Variants in CNTNAP2 observed in about 807,000 individuals in gnomAD.
CNTNAP2 encodes the protein contactin-associated protein-like 2.
CNTNAP2 carries 98 observed loss-of-function variants against 155.2 expected under a neutral mutation model. That is an observed-to-expected ratio of 0.63 (90% CI 0.54 to 0.75). CNTNAP2 has a LOEUF of 0.75. Among genes scored for constraint, CNTNAP2 ranks in the 30% least tolerant of loss-of-function variants. The probability of loss-of-function intolerance (pLI) is 0.00; values close to 1 mark genes in which losing one functional copy is unlikely to be tolerated. For synonymous variants in CNTNAP2, 651 were observed against 631.2 expected (o/e 1.03, Z -0.47); for missense variants, 1,727 against 1,688.1 (o/e 1.02, Z -0.40).
intron 1 of CNTNAP2, among the ~76,000 whole-genome samples, chr7:146,521,242 C>T (rs893286298): frequency 6.6e-6 from 1 of 151,866 alleles, no homozygotes; most frequent in African/African-American, 2.4e-5. Context: ...GCTAATGTAT[C>T]ATAAGAGCAG....
chr7:147,577,286 A>T (rs982441520), intron 12 of CNTNAP2, among the ~76,000 whole-genome samples: 2 of 152,024 alleles, frequency 1.3e-5, no homozygotes, highest in Admixed American at 6.6e-5. Context: ...TGCTTTGCTC[A>T]TTGCTTCTTT....
intron 13 of CNTNAP2, among the ~76,000 whole-genome samples, chr7:147,822,958 C>CTTATTTGT (rs1182039484): frequency 6.6e-6 from 1 of 152,176 alleles, no homozygotes; most frequent in African/African-American, 2.4e-5. Context: ...ATCATTTTAT[C>CTTATTTGT]AGAAGGAAAC....
At chr7:146,783,690 T>C (rs1351998387) in intron 2 of CNTNAP2, among the ~76,000 whole-genome samples, 1 of 152,238 alleles carries the variant, frequency 6.6e-6, no homozygotes, top group African/African-American at 2.4e-5. Context: ...CATAGAAATC[T>C]GTGCTAGGTT....
At chr7:146,889,208 G>A (rs1351685192) in intron 3 of CNTNAP2, among the ~76,000 whole-genome samples, 1 of 151,906 alleles carries the variant, frequency 6.6e-6, no homozygotes, top group African/African-American at 2.4e-5. Context: ...TTAATTAGTT[G>A]CTTTTTCTGT....
At position 146,635,792 on chromosome 7, in the gene CNTNAP2, C is replaced by G. The variant is rs926361230; in HGVS notation, c.98-138479C>G. ...TTCTGCCTTTGTTCTCATCCAGGTG[C>G]CAGGACTCATCTCTAAAAAAAAAAA... On this transcript the variant is annotated intron_variant, in intron 1 of 23. Transcript: ENST00000361727. Among the ~76,000 whole-genome samples the G allele has an allele frequency of 2.1e-5, 3 of 143,212 alleles. No homozygotes were observed. The East Asian group carries it at 5.9e-4, about 28-fold the overall frequency. The allele number at this position is 143,212 out of a possible 152,430, so 94.0% of individuals were successfully genotyped here. A position where few individuals can be genotyped will look rare whatever the true frequency, so the allele number is the denominator to read the frequency against.
chr7:146,682,556 A>G (rs1386312123), intron 1 of CNTNAP2, among the ~76,000 whole-genome samples: 1 of 152,188 alleles, frequency 6.6e-6, no homozygotes, highest in African/African-American at 2.4e-5. Flanking sequence ...CACACGTATC[A>G]CTGGGAGAAA....
intron 9 of CNTNAP2, among the ~76,000 whole-genome samples, chr7:147,382,962 A>G (rs1796561423): frequency 1.3e-5 from 2 of 152,198 alleles, no homozygotes; most frequent in African/African-American, 4.8e-5. Context: ...TTTTAATCCT[A>G]TTATATTACT....
intron 9 of CNTNAP2, among the ~76,000 whole-genome samples, chr7:147,327,971 T>TA (rs941700423): frequency 1.4e-3 from 215 of 150,004 alleles, no homozygotes; most frequent in African/African-American, 3.7e-3. Context: ...ATTAACTGTG[T>TA]AAAAAAAAAA....
intron 17 of CNTNAP2, among the ~76,000 whole-genome samples, chr7:148,155,902 C>T (rs948091751): frequency 3.9e-5 from 6 of 152,112 alleles, no homozygotes; most frequent in African/African-American, 1.4e-4. Context: ...TGCGGTGACA[C>T]TGGGTGCTCC....
chr7:146,720,889 C>G lies in CNTNAP2; in HGVS notation c.98-53382C>G, dbSNP rs1335204635. Among the ~76,000 whole-genome samples, 6 of 143,716 alleles carry G rather than the reference C, an allele frequency of 4.2e-5. No individual in the cohort carries two copies. The East Asian group carries it at 1.2e-3, about 30-fold the overall frequency. 94.3% of individuals were successfully genotyped at this position (143,716 alleles called of 152,430 possible). A position where few individuals can be genotyped will look rare whatever the true frequency, so the allele number is the denominator to read the frequency against. On this transcript the variant is annotated intron_variant, in intron 1 of 23. Transcript: ENST00000361727. ...CATATATATATTCTATATATATACT[C>G]TCTATATATATTCTATATATATACT...
chr7:147,271,190 G>C (rs533320780), intron 8 of CNTNAP2, among the ~76,000 whole-genome samples: 1 of 152,238 alleles, frequency 6.6e-6, no homozygotes, highest in South Asian at 2.1e-4. Flanking sequence ...CCTTGTCTTA[G>C]CTGCTAAGTA....
chr7:148,008,232 C>T (rs1802013939), intron 15 of CNTNAP2, among the ~76,000 whole-genome samples: 2 of 151,276 alleles, frequency 1.3e-5, no homozygotes, highest in African/African-American at 4.9e-5. Flanking sequence ...ATTAGCTGGG[C>T]ATGGTGGCGG....
intron 15 of CNTNAP2, among the ~76,000 whole-genome samples, chr7:147,993,832 C>G (rs1302702562): frequency 6.6e-6 from 1 of 152,142 alleles, no homozygotes; most frequent in Non-Finnish European, 1.5e-5. Context: ...TCCTCTAACT[C>G]CTCTAGCCTA....
At chr7:146,395,355 A>G (rs1795604478) in intron 1 of CNTNAP2, among the ~76,000 whole-genome samples, 1 of 151,974 alleles carries the variant, frequency 6.6e-6, no homozygotes, top group Non-Finnish European at 1.5e-5. Flanking sequence ...AAGCAGAGGG[A>G]AGGGGAGCCA....
At chr7:146,316,414 G>T (rs1235459166) in intron 1 of CNTNAP2, among the ~76,000 whole-genome samples, 1 of 152,026 alleles carries the variant, frequency 6.6e-6, no homozygotes, top group African/African-American at 2.4e-5. Flanking sequence ...GTCTTGAACC[G>T]ACAGACATTT....
intron 21 of CNTNAP2, among the ~76,000 whole-genome samples, chr7:148,322,389 C>G (rs1383248816): frequency 2.6e-5 from 4 of 152,144 alleles, no homozygotes; most frequent in Non-Finnish European, 5.9e-5. Context: ...AAGAAATATT[C>G]CCGCTAGAGC....
At chr7:146,212,937 C>G (rs1799058564) in intron 1 of CNTNAP2, among the ~76,000 whole-genome samples, 2 of 152,148 alleles carry the variant, frequency 1.3e-5, no homozygotes, top group South Asian at 4.1e-4. Flanking sequence ...CTGTGATTGC[C>G]AGGGCTGTCT....
Position 148,366,082 on chromosome 7 carries a change from G to A in CNTNAP2, c.3476-17567G>A, listed in dbSNP as rs375691294. Reference sequence around the variant, plus strand: ...TATGCATGTATGCATGTATGTGTGTGCATGTATACATGTATGTGTATGCAT... The same window carrying A: ...TATGCATGTATGCATGTATGTGTGTACATGTATACATGTATGTGTATGCAT... On this transcript the variant is annotated intron_variant, in intron 21 of 23. Coordinates refer to ENST00000361727, the MANE Select transcript of CNTNAP2 (RefSeq NM_014141.6). Among the ~76,000 whole-genome samples, 4 of 15,518 alleles carry A rather than the reference G, an allele frequency of 2.6e-4. 2 individuals carry two copies. The highest frequency in any genetic ancestry group is 5.3e-4 in the African/African-American group (4 of 7,556). The allele number at this position is 15,518 out of a possible 152,430, so 10.2% of individuals were successfully genotyped here.
At chr7:147,298,898 G>A (rs1439769566) in intron 8 of CNTNAP2, among the ~76,000 whole-genome samples, 3 of 152,188 alleles carry the variant, frequency 2.0e-5, no homozygotes, top group Non-Finnish European at 4.4e-5. Context: ...AAAAGCAGGT[G>A]GCAGCAAGCC....
Sources: gnomAD v4.1 joint callset for allele counts (sites outside exome capture counted in the v4.1 genomes callset) on GRCh38, gnomAD v4.1.1 for gene constraint, MANE v1.5 for transcripts, NCBI Gene and HGNC (gene_info 2026-07-23, HGNC 2026-07-21) for gene names.